Variants in SUCLG2 observed in about 807,000 individuals in gnomAD.
SUCLG2 encodes succinate-CoA ligase GDP-forming subunit beta, also known as succinate--CoA ligase [GDP-forming] subunit beta, mitochondrial.
SUCLG2 carries 42 observed loss-of-function variants against 47.9 expected under a neutral mutation model. The observed-to-expected ratio is 0.88, with a 90% CI of 0.69 to 1.14. SUCLG2 has a LOEUF of 1.14. Ranked by LOEUF, SUCLG2 falls within the 50% of genes most tolerant of loss-of-function variation. SUCLG2 has a pLI of 0.00. For synonymous variants in SUCLG2, 195 were observed against 197.3 expected, an observed-to-expected ratio of 0.99 and a Z score of 0.10; for missense variants, 571 against 525.9, an observed-to-expected ratio of 1.09 and a Z score of -0.84.
chr3:67,547,377 A>G (rs1706894079), intron 2 of SUCLG2, among the ~76,000 whole-genome samples: 1 of 152,206 alleles, frequency 6.6e-6, no homozygotes, highest in Admixed American at 6.5e-5. Context: ...TACTCCCTGA[A>G]CACATAGTGT....
intron 6 of SUCLG2, among the ~76,000 whole-genome samples, chr3:67,517,366 A>G (rs975557562): frequency 6.6e-6 from 1 of 152,218 alleles, no homozygotes; most frequent in Non-Finnish European, 1.5e-5. Flanking sequence ...GTGCTGCCCA[A>G]CCAAATTAAA....
intron 10 of SUCLG2, among the ~76,000 whole-genome samples, chr3:67,386,125 G>C (rs1036341656): frequency 6.6e-6 from 1 of 152,260 alleles, no homozygotes; most frequent in South Asian, 2.1e-4. Flanking sequence ...GTCTCGCTCT[G>C]TCACCCAGAC....
At chr3:67,433,095 T>G (rs957358041) in intron 9 of SUCLG2, among the ~76,000 whole-genome samples, 8 of 152,036 alleles carry the variant, frequency 5.3e-5, no homozygotes, top group African/African-American at 1.9e-4. Context: ...GTCTTTTGGG[T>G]TTTTCCTCAC....
Position 67,375,547 on chromosome 3 carries a change from T to C in SUCLG2, c.*197A>G. On this transcript the variant is annotated 3_prime_UTR_variant, in exon 11 of 11. Transcript: ENST00000307227. ...AAAGTATGAGAACACAAGATATTAT[T>C]TTTATAAAGACCAAAATCAGATTTA... is the stretch of plus-strand genomic sequence containing the variant. 1 of 1,364,970 alleles carries C rather than the reference T, an allele frequency of 7.3e-7. No homozygotes were observed. The highest frequency in any genetic ancestry group is 2.8e-5 in the East Asian group (1 of 35,776). 84.6% of individuals were successfully genotyped at this position (1,364,970 alleles called of 1,614,324 possible).
chr3:67,602,320 G>A (rs1354097460), intron 2 of SUCLG2, among the ~76,000 whole-genome samples: 1 of 152,164 alleles, frequency 6.6e-6, no homozygotes, highest in Non-Finnish European at 1.5e-5. Flanking sequence ...TTGAAGTTAA[G>A]GCATTGAGTT....
chr3:67,392,526 G>A (rs1702413234), intron 10 of SUCLG2, among the ~76,000 whole-genome samples: 1 of 152,100 alleles, frequency 6.6e-6, no homozygotes, highest in Non-Finnish European at 1.5e-5. Flanking sequence ...ACTATATTTG[G>A]CCCTTTGGGT....
At chr3:67,596,521 G>T (rs578075988) in intron 2 of SUCLG2, among the ~76,000 whole-genome samples, 21 of 152,074 alleles carry the variant, frequency 1.4e-4, no homozygotes, top group Non-Finnish European at 2.8e-4. Context: ...CATTTACAGT[G>T]GAATAGGCAT....
chr3:67,609,083 G>A (rs987267310), intron 2 of SUCLG2, among the ~76,000 whole-genome samples: 15 of 152,188 alleles, frequency 9.9e-5, no homozygotes, highest in African/African-American at 3.4e-4. Context: ...GGTCAGGCAG[G>A]GCCCAGTCTA....
At chr3:67,438,441 A>G (rs1301426054) in intron 9 of SUCLG2, among the ~76,000 whole-genome samples, 1 of 152,158 alleles carries the variant, frequency 6.6e-6, no homozygotes, top group East Asian at 1.9e-4. Flanking sequence ...AAAAAAATCA[A>G]TGAATCCAAG....
At chr3:67,430,090 C>T (rs1284967153) in intron 9 of SUCLG2, among the ~76,000 whole-genome samples, 1 of 152,138 alleles carries the variant, frequency 6.6e-6, no homozygotes, top group Non-Finnish European at 1.5e-5. Context: ...CAGCTCTGCA[C>T]CAAGTGGACC....
chr3:67,529,974 A>C (rs1230280858), intron 2 of SUCLG2, among the ~76,000 whole-genome samples: 1 of 152,228 alleles, frequency 6.6e-6, no homozygotes, highest in South Asian at 2.1e-4. Context: ...CCCAACCACC[A>C]AAACAAAACA....
chr3:67,493,890 G>A (rs1403987613), intron 9 of SUCLG2, among the ~76,000 whole-genome samples: 1 of 152,210 alleles, frequency 6.6e-6, no homozygotes, highest in Non-Finnish European at 1.5e-5. Context: ...TGAAAACAAA[G>A]TGCTTATGTA....
intron 2 of SUCLG2, among the ~76,000 whole-genome samples, chr3:67,553,342 T>C (rs1707066850): frequency 6.6e-6 from 1 of 152,250 alleles, no homozygotes; most frequent in Admixed American, 6.5e-5. Context: ...ACTTGTGGTC[T>C]TCAGTTAAAT....
chr3:67,592,961 T>C (rs989900340), intron 2 of SUCLG2, among the ~76,000 whole-genome samples: 2 of 152,174 alleles, frequency 1.3e-5, no homozygotes, highest in African/African-American at 2.4e-5. Flanking sequence ...TTGCTTACTA[T>C]AGAAGCAAAC....
At chr3:67,374,673 AT>A (rs988417226), downstream of SUCLG2, 38 of 764,106 alleles carry the variant, frequency 5.0e-5, no homozygotes, top group South Asian at 2.4e-4. Flanking sequence ...AAAAAAAAAA[AT>A]GTTTGAGGAA....
chr3:67,596,740 T>G (rs780617634), intron 2 of SUCLG2, among the ~76,000 whole-genome samples: 58 of 152,188 alleles, frequency 3.8e-4, no homozygotes, highest in Non-Finnish European at 7.5e-4. Flanking sequence ...GAAAAGAGGT[T>G]ACTTAAATCA....
At chr3:67,436,923 TTTTTC>T (rs982400936) in intron 9 of SUCLG2, among the ~76,000 whole-genome samples, 29 of 151,924 alleles carry the variant, frequency 1.9e-4, no homozygotes, top group African/African-American at 4.8e-4. Context: ...TTTTCTTTGC[TTTTTC>T]TTTTCTTTTA....
At chr3:67,394,067 G>A (rs1436006099) in intron 10 of SUCLG2, among the ~76,000 whole-genome samples, 1 of 151,942 alleles carries the variant, frequency 6.6e-6, no homozygotes, top group Admixed American at 6.6e-5. Flanking sequence ...CCACAAAGAT[G>A]GGGAAAAAAC....
At chr3:67,575,997 C>T (rs1707733293) in intron 2 of SUCLG2, among the ~76,000 whole-genome samples, 1 of 152,166 alleles carries the variant, frequency 6.6e-6, no homozygotes, top group Non-Finnish European at 1.5e-5. Context: ...TAGGTACCTC[C>T]ATGCAGGGGC....
Sources: allele counts gnomAD v4.1 joint callset (sites outside exome capture counted in the v4.1 genomes callset), GRCh38; gene constraint gnomAD v4.1.1; transcripts MANE v1.5; gene names NCBI Gene and HGNC (gene_info 2026-07-23, HGNC 2026-07-21).